SDK2: variants seen among roughly 807,000 people sequenced by gnomAD.
The protein encoded by SDK2 is protein sidekick-2.
A neutral mutation model predicts 253.9 loss-of-function variants in SDK2; 105 were observed. The ratio of observed to expected loss-of-function variants is 0.41; its 90% CI spans 0.35 to 0.49. The LOEUF (loss-of-function observed/expected upper bound fraction) is 0.49, where lower values mean the gene tolerates loss of function less well. Among genes scored for constraint, SDK2 ranks in the 20% least tolerant of loss-of-function variants. The pLI is 0.06. For missense variants in SDK2, 2,608 were observed against 3,003.0 expected, an observed-to-expected ratio of 0.87 and a Z score of 3.07; for synonymous variants, 1,249 against 1,234.9, an observed-to-expected ratio of 1.01 and a Z score of -0.24.
chr17:73,572,648 A>G (rs914611155), intron 1 of SDK2, among the ~76,000 whole-genome samples: 3 of 152,204 alleles, frequency 2.0e-5, no homozygotes, highest in Admixed American at 6.5e-5. Flanking sequence ...CTCCAGCATG[A>G]GCCCAGTGCT....
chr17:73,533,171 G>A (rs2064183679), intron 1 of SDK2, among the ~76,000 whole-genome samples: 1 of 152,164 alleles, frequency 6.6e-6, no homozygotes, highest in South Asian at 2.1e-4. Context: ...TCCCCTCATC[G>A]GTATCCCCTT....
In SDK2 at chr17:73,383,940, T is replaced by C. The variant is rs2062852089; in HGVS notation, c.4641A>G (p.Glu1547=). The change falls in exon 33 of 45, where the codon GAA becomes GAG. Residue 1547 remains glutamate (E), a synonymous_variant. Coordinates refer to ENST00000392650, the MANE Select transcript of SDK2 (RefSeq NM_001144952.2). The surrounding 1 kb of genome is among the most constrained non-coding windows in gnomAD (Gnocchi z 4.3). The part of the protein sequence containing the change: ...FRIRYRELLY[E]GLRGFTLRGI... ...CTCGAAGCGTGAAGCCCCTCAGTCCTTCATAGAGCAGCTCCCGGTATCGGA... is the reference window on the plus strand; with the variant it reads ...CTCGAAGCGTGAAGCCCCTCAGTCCCTCATAGAGCAGCTCCCGGTATCGGA... The C allele has an allele frequency of 1.2e-6, 2 of 1,613,760 alleles. No homozygotes were observed. The highest frequency in any genetic ancestry group is 1.7e-6 in the Non-Finnish European group (2 of 1,179,880).
intron 24 of SDK2, among the ~76,000 whole-genome samples, chr17:73,397,665 C>T (rs909079763): frequency 3.9e-5 from 6 of 152,188 alleles, no homozygotes; most frequent in African/African-American, 1.4e-4. Flanking sequence ...GCACTTGAAC[C>T]CCAGACCCGC....
chr17:73,426,401 A>G (rs1362112564), intron 12 of SDK2, among the ~76,000 whole-genome samples: 1 of 151,530 alleles, frequency 6.6e-6, no homozygotes, highest in East Asian at 1.9e-4. Context: ...TTTTGACTCA[A>G]TAAAAATATC....
chr17:73,423,928 TG>T lies in SDK2; in HGVS notation c.1747del (p.His583ThrfsTer28). ...GGGCTGCCCTTACCTGACTCGCAGG[TG>T]GGCACTGCGAGAGTCGTTGCCTCCT... ...SAGGNDSRSA[H>X]LRVRQLPHAP... On this transcript the variant is annotated frameshift_variant, in exon 13 of 45. Transcript: ENST00000392650. LOFTEE classifies it high-confidence loss of function. The T allele has an allele frequency of 6.3e-7, 1 of 1,581,764 alleles. No homozygotes were observed.
intron 3 of SDK2, among the ~76,000 whole-genome samples, chr17:73,463,154 C>T (rs1424360046): frequency 1.3e-5 from 2 of 152,196 alleles, no homozygotes; most frequent in Non-Finnish European, 2.9e-5. Context: ...GGGCTTGCCA[C>T]ACTGACTCCC....
At chr17:73,438,496 C>T (rs1044538975) in intron 6 of SDK2, among the ~76,000 whole-genome samples, 1 of 152,140 alleles carries the variant, frequency 6.6e-6, no homozygotes, top group Non-Finnish European at 1.5e-5. Flanking sequence ...GCTTGCAGCT[C>T]TTTTTTCTGG....
intron 1 of SDK2, among the ~76,000 whole-genome samples, chr17:73,579,090 C>T (rs1457055318): frequency 6.6e-6 from 1 of 151,998 alleles, no homozygotes. Flanking sequence ...TGGGCCCTGC[C>T]AGTTCTAGCT....
At position 73,361,909 on chromosome 17, in the gene SDK2, G is replaced by C; in HGVS notation, c.5306-64C>G. 1 of 1,478,202 alleles carries C rather than the reference G, an allele frequency of 6.8e-7. No homozygotes were observed. Among genetic ancestry groups the C allele is most frequent in the East Asian group, 2.5e-5 (1 of 40,010 alleles). The allele number at this position is 1,478,202 out of a possible 1,614,324, so 91.6% of individuals were successfully genotyped here. ...CCACCGAGGGCACTGGAGGCCATGG[G>C]GAAGGGGAAGCGGCCGTGGCCTGGG... On this transcript the variant is annotated intron_variant, in intron 38 of 44. Coordinates refer to ENST00000392650, the MANE Select transcript of SDK2 (RefSeq NM_001144952.2). The surrounding 1 kb of genome is among the most constrained non-coding windows in gnomAD (Gnocchi z 4.1).
chr17:73,469,187 G>A (rs2063626470), intron 3 of SDK2, among the ~76,000 whole-genome samples: 1 of 152,168 alleles, frequency 6.6e-6, no homozygotes, highest in Non-Finnish European at 1.5e-5. Flanking sequence ...TGCCAACACT[G>A]TAAGGCACTA....
chr17:73,417,241 TA>T (rs112364858), intron 16 of SDK2, among the ~76,000 whole-genome samples: 88 of 140,986 alleles, frequency 6.2e-4, no homozygotes, highest in East Asian at 1.1e-3. Context: ...TTGTCTCTAC[TA>T]AAAAAAAAAA....
At chr17:73,418,434 G>A (rs1370390741) in intron 16 of SDK2, among the ~76,000 whole-genome samples, 1 of 152,162 alleles carries the variant, frequency 6.6e-6, no homozygotes, top group Non-Finnish European at 1.5e-5. Flanking sequence ...CATGGGTGCT[G>A]GGACCACACT....
intron 3 of SDK2, among the ~76,000 whole-genome samples, chr17:73,470,252 G>T (rs2063639218): frequency 6.6e-6 from 1 of 151,140 alleles, no homozygotes; most frequent in South Asian, 2.1e-4. Context: ...ACTGGCAACA[G>T]AAACATATAC....
At chr17:73,529,040 C>T (rs970463155) in intron 1 of SDK2, among the ~76,000 whole-genome samples, 2 of 152,184 alleles carry the variant, frequency 1.3e-5, no homozygotes, top group African/African-American at 4.8e-5. Context: ...TTTCTTGAGT[C>T]CTCTTACACC....
rs115789958 is a variant in SDK2 at position 73,447,414 on chromosome 17, C to G, written c.613+201G>C. On this transcript the variant is annotated intron_variant, in intron 5 of 44. Transcript: ENST00000392650. The surrounding 1 kb of genome is among the most constrained non-coding windows in gnomAD (Gnocchi z 4.0). ...TCAGGCGTGTCATGGGAACGGGCTC[C>G]AGCGTTCAGCTGCTCCTTTCCTGCC... Among the ~76,000 whole-genome samples, 307 of 152,202 alleles carry G rather than the reference C, an allele frequency of 2.0e-3. 1 individual carries two copies. Among genetic ancestry groups the G allele is most frequent in the African/African-American group, 7.3e-3 (303 of 41,514 alleles).
intron 38 of SDK2, among the ~76,000 whole-genome samples, chr17:73,364,233 G>A (rs2145427627): frequency 6.6e-6 from 1 of 152,318 alleles, no homozygotes; most frequent in East Asian, 1.9e-4. Context: ...ACCAGGGGTA[G>A]AAAGCTGGCA....
At chr17:73,396,995 A>G (rs2062976420) in intron 24 of SDK2, among the ~76,000 whole-genome samples, 1 of 152,234 alleles carries the variant, frequency 6.6e-6, no homozygotes, top group Non-Finnish European at 1.5e-5. Context: ...GGCCGCTAGC[A>G]TCAAGCTGTC....
chr17:73,484,422 G>A (rs150008238), intron 2 of SDK2, among the ~76,000 whole-genome samples: 8 of 152,270 alleles, frequency 5.3e-5, no homozygotes, highest in African/African-American at 7.2e-5. Flanking sequence ...TGGGAGAAGC[G>A]GCCTCCTAAT....
intron 24 of SDK2, among the ~76,000 whole-genome samples, chr17:73,396,519 T>C (rs2062972152): frequency 6.6e-6 from 1 of 152,150 alleles, no homozygotes; most frequent in African/African-American, 2.4e-5. Flanking sequence ...ACTACACGCT[T>C]CCTCCCTCCT....
Sources: gnomAD v4.1 joint callset for allele counts (sites outside exome capture counted in the v4.1 genomes callset) on GRCh38, gnomAD v4.1.1 for gene constraint, Gnocchi (gnomAD v3.1) non-coding constraint, MANE v1.5 for transcripts, NCBI Gene and HGNC (gene_info 2026-07-23, HGNC 2026-07-21) for gene names.